Variants in BIRC6 observed in about 807,000 individuals in gnomAD.
BIRC6 encodes the protein dual E2 ubiquitin-conjugating enzyme/E3 ubiquitin-protein ligase BIRC6.
Under a neutral mutation model 503.3 loss-of-function variants are expected in BIRC6, and 98 were observed. The ratio of observed to expected loss-of-function variants is 0.19; its 90% CI spans 0.17 to 0.23. The LOEUF is 0.23. Ranked by LOEUF, BIRC6 falls within the 10% of genes least tolerant of loss-of-function variation. The pLI, the probability that BIRC6 is intolerant of heterozygous loss-of-function variation, is 1.00. For missense variants in BIRC6, 5,360 were observed against 5,806.0 expected (o/e 0.92, Z 2.50); for synonymous variants, 2,240 against 2,078.7 (o/e 1.08, Z -2.11).
At position 32,617,912 on chromosome 2, in the gene BIRC6, T is replaced by G; in HGVS notation, c.*8T>G. 6.2e-7 allele frequency: 1 copy of G among 1,604,056 alleles called. No homozygotes were observed. Among genetic ancestry groups the G allele is most frequent in the South Asian group, 1.1e-5 (1 of 90,390 alleles). Reference sequence around the variant, plus strand: ...AGTGACTTCCAGTTATGAGCTGCATTGATGTGGACTTCATAGACACAAAGG... The same window carrying G: ...AGTGACTTCCAGTTATGAGCTGCATGGATGTGGACTTCATAGACACAAAGG... On this transcript the variant is annotated 3_prime_UTR_variant, in exon 74 of 74. Transcript: ENST00000421745.
At chr2:32,501,625 C>A in intron 46 of BIRC6, 88 bp from the exon 47 acceptor site, 2 of 1,127,838 alleles carry the variant, frequency 1.8e-6, no homozygotes, top group Non-Finnish European at 2.5e-6. Context: ...CCTGCCTCGG[C>A]CTCCCAAAGT....
chr2:32,397,745 G>A (rs1368177472), intron 6 of BIRC6, among the ~76,000 whole-genome samples: 1 of 148,648 alleles, frequency 6.7e-6, no homozygotes, highest in Non-Finnish European at 1.5e-5. Flanking sequence ...ATATTTTTTA[G>A]GTCCCTATGC....
At chr2:32,425,571 G>A (rs2043398999) in intron 10 of BIRC6, among the ~76,000 whole-genome samples, 1 of 151,862 alleles carries the variant, frequency 6.6e-6, no homozygotes, top group Non-Finnish European at 1.5e-5. Flanking sequence ...CACTCTGGGA[G>A]ATTTTGCTTG....
chr2:32,433,548 C>A (rs879000058), intron 12 of BIRC6, 96 bp from the exon 13 acceptor site: 2 of 1,153,540 alleles, frequency 1.7e-6, no homozygotes, highest in Non-Finnish European at 2.3e-6. Flanking sequence ...TTGGAAGCTG[C>A]AAAGCAAAAA....
chr2:32,560,926 G>T (rs1485939689), intron 65 of BIRC6, among the ~76,000 whole-genome samples: 1 of 151,874 alleles, frequency 6.6e-6, no homozygotes, highest in African/African-American at 2.4e-5. Context: ...TAGGCCGGGG[G>T]CGGTGGCTCA....
intron 36 of BIRC6, 151 bp from the exon 37 acceptor site, chr2:32,479,311 T>C (rs761400147): frequency 1.5e-6 from 1 of 684,748 alleles, no homozygotes; most frequent in Non-Finnish European, 2.4e-6. Flanking sequence ...TAGCATTCCT[T>C]ACGGGGGTGG....
intron 8 of BIRC6, among the ~76,000 whole-genome samples, chr2:32,403,295 G>A (rs2040800608): frequency 6.6e-6 from 1 of 152,192 alleles, no homozygotes; most frequent in Non-Finnish European, 1.5e-5. Context: ...AATATACTAT[G>A]TGGGTTTCAT....
At position 32,481,439 on chromosome 2, in the gene BIRC6, G is replaced by C. The variant is rs540832942; in HGVS notation, c.7528G>C (p.Ala2510Pro). 6.2e-7 allele frequency: 1 copy of C among 1,610,896 alleles called. No individual in the cohort carries two copies. The highest frequency in any genetic ancestry group is 8.5e-7 in the Non-Finnish European group (1 of 1,178,474). Residue 2510 changes from alanine (A) to proline (P), a missense_variant, in exon 38 of 74, where the codon GCC (alanine) becomes CCC (proline). Around this residue, in one of 16 missense-constraint regions of BIRC6, gnomAD observed 2,299 missense variants for 2,267.2 expected, o/e 1.01. Transcript: ENST00000421745. ...TGATTTGGAAAAGGACCCTCTTGCA[G>C]CCAAGGTTTTTAAGGTATGATACAT... ...DIDLEKDPLA[A>P]KVFKPISSTW...
intron 33 of BIRC6, among the ~76,000 whole-genome samples, chr2:32,475,684 A>G (rs2049674969): frequency 6.6e-6 from 1 of 152,208 alleles, no homozygotes; most frequent in South Asian, 2.1e-4. Context: ...ATTAGAGAAA[A>G]TTGGGTAAAG....
chr2:32,600,992 T>C (rs1309847047), intron 70 of BIRC6, among the ~76,000 whole-genome samples: 1 of 152,196 alleles, frequency 6.6e-6, no homozygotes, highest in African/African-American at 2.4e-5. Context: ...ATATAGCTAA[T>C]GAACTTTAAA....
At chr2:32,568,621 G>T (rs1196323274) in intron 65 of BIRC6, among the ~76,000 whole-genome samples, 1 of 151,888 alleles carries the variant, frequency 6.6e-6, no homozygotes, top group Non-Finnish European at 1.5e-5. Context: ...GAGGCGGGCA[G>T]TCACTTGAGA....
chr2:32,597,697 G>C, intron 68 of BIRC6, 54 bp from the exon 69 acceptor site: 1 of 1,325,410 alleles, frequency 7.5e-7, no homozygotes, highest in South Asian at 1.3e-5. Context: ...TGTGATTTTT[G>C]TCATTATAAC....
chr2:32,617,697 C>T, intron 73 of BIRC6, 28 bp from the exon 74 acceptor site: 1 of 1,602,756 alleles, frequency 6.2e-7, no homozygotes, highest in Non-Finnish European at 8.5e-7. Context: ...GTTTGCAGTT[C>T]TAACATTAGT....
chr2:32,392,129 T>G lies in BIRC6; in HGVS notation c.930T>G (p.Ala310=), dbSNP rs771257401. The part of the protein sequence containing the change: ...GYRWAQPDPM[A]QAGFYHQPAS... ...GGTGGGCACAACCAGATCCCATGGC[T>G]CAAGCTGGATTTTATCATCAGGTAA... Residue 310 remains alanine, a synonymous_variant, in exon 5 of 74, where the codon GCT becomes GCG. Transcript: ENST00000421745. 6.3e-7 allele frequency: 1 copy of G among 1,588,150 alleles called. No homozygotes were observed. The highest frequency in any genetic ancestry group is 8.6e-7 in the Non-Finnish European group (1 of 1,165,482).
intron 55 of BIRC6, among the ~76,000 whole-genome samples, chr2:32,517,552 G>C (rs1215707324): frequency 6.6e-6 from 1 of 152,104 alleles, no homozygotes; most frequent in African/African-American, 2.4e-5. Context: ...TTTCTCTCTT[G>C]GTTTCTTAGT....
intron 40 of BIRC6, 100 bp downstream of exon 40, chr2:32,485,859 G>T (rs999616117): frequency 1.3e-5 from 10 of 777,390 alleles, no homozygotes. Flanking sequence ...ATTCCATGAT[G>T]TGAGTCTGAG....
rs757760080 is a variant in BIRC6 at position 32,377,779 on chromosome 2, A to G, written c.507+10A>G. 6.2e-6 allele frequency: 10 copies of G among 1,603,552 alleles called. No individual in the cohort carries two copies. The highest frequency in any genetic ancestry group is 5.1e-5 in the Admixed American group (3 of 58,586). On this transcript the variant is annotated intron_variant, in intron 2 of 73. Coordinates refer to ENST00000421745, the MANE Select transcript of BIRC6 (RefSeq NM_016252.4). ...ATTACCCGTTACAGAGGTAAGTTGA[A>G]ATAAGTATCAATGTGGTCCTCTACT...
chr2:32,403,251 T>G (rs994241979), intron 8 of BIRC6, among the ~76,000 whole-genome samples: 1 of 152,202 alleles, frequency 6.6e-6, no homozygotes, highest in Non-Finnish European at 1.5e-5. Flanking sequence ...CCTCTCACTT[T>G]ATGTGACACA....
intron 49 of BIRC6, among the ~76,000 whole-genome samples, chr2:32,504,268 T>G (rs1318984363): frequency 6.6e-6 from 1 of 152,140 alleles, no homozygotes; most frequent in Non-Finnish European, 1.5e-5. Flanking sequence ...TTTACATAGT[T>G]TCTTTTAAAT....
Sources: allele counts gnomAD v4.1 joint callset (sites outside exome capture counted in the v4.1 genomes callset), GRCh38; gene constraint gnomAD v4.1.1; regional missense constraint gnomAD v4.1.1; transcripts MANE v1.5; gene names NCBI Gene and HGNC (gene_info 2026-07-23, HGNC 2026-07-21).